Variants in PLXDC1 observed in about 807,000 individuals in gnomAD.
The protein encoded by PLXDC1 is plexin domain-containing protein 1.
A neutral mutation model predicts 61.3 loss-of-function variants in PLXDC1; 39 were observed. That is an observed-to-expected ratio of 0.64 (90% confidence interval 0.49 to 0.83). PLXDC1 has a LOEUF of 0.83. Ranked by LOEUF, PLXDC1 falls within the 40% of genes least tolerant of loss-of-function variation. PLXDC1 has a pLI of 0.00. For missense variants in PLXDC1, 596 were observed against 666.5 expected (o/e 0.89, Z 1.17); for synonymous variants, 212 against 254.5 (o/e 0.83, Z 1.59).
At chr17:39,108,824 A>G (rs1910689587) in intron 4 of PLXDC1, 80 bp downstream of exon 4, 2 of 904,158 alleles carry the variant, frequency 2.2e-6, no homozygotes, top group Non-Finnish European at 3.6e-6. Flanking sequence ...CCCTGTCTCC[A>G]GTGAGCCACC....
intron 2 of PLXDC1, among the ~76,000 whole-genome samples, chr17:39,134,066 G>A (rs1383883513): frequency 3.3e-5 from 5 of 151,876 alleles, no homozygotes; most frequent in African/African-American, 1.2e-4. Flanking sequence ...GACCATCCTG[G>A]CTAACACGGT....
At chr17:39,118,215 C>A (rs984364842) in intron 2 of PLXDC1, among the ~76,000 whole-genome samples, 5 of 148,338 alleles carry the variant, frequency 3.4e-5, no homozygotes, top group African/African-American at 1.2e-4. Flanking sequence ...TTCTTTTCTT[C>A]TTTTTTGAGA....
chr17:39,106,585 C>T (rs1379546848), intron 6 of PLXDC1, among the ~76,000 whole-genome samples: 4 of 151,708 alleles, frequency 2.6e-5, no homozygotes, highest in Admixed American at 6.6e-5. Flanking sequence ...TCTCCCAAAG[C>T]GCTGGGGTTA....
intron 9 of PLXDC1, chr17:39,080,974 C>T (rs1909535139): frequency 6.5e-6 from 1 of 152,868 alleles, no homozygotes; most frequent in South Asian, 2.1e-4. Context: ...TCTCATGGCT[C>T]AGCGCTTGTG....
intron 7 of PLXDC1, among the ~76,000 whole-genome samples, chr17:39,101,546 G>T (rs1003326410): frequency 2.0e-5 from 3 of 152,168 alleles, no homozygotes; most frequent in African/African-American, 7.2e-5. Flanking sequence ...GGCTAGGCCT[G>T]GGGTACAGCC....
intron 12 of PLXDC1, among the ~76,000 whole-genome samples, chr17:39,071,078 C>A (rs1256797996): frequency 6.6e-6 from 1 of 152,158 alleles, no homozygotes; most frequent in South Asian, 2.1e-4. Flanking sequence ...CCAACAGTCA[C>A]CCTCTGAGAA....
At chr17:39,107,690 G>A (rs758537451) in intron 5 of PLXDC1, 165 bp from the exon 6 acceptor site, 33 of 656,924 alleles carry the variant, frequency 5.0e-5, no homozygotes, top group Middle Eastern at 2.4e-4. Flanking sequence ...CTAAAGCAGC[G>A]CGGCTTCCAA....
At chr17:39,084,290 G>A (rs1909665973) in intron 8 of PLXDC1, among the ~76,000 whole-genome samples, 1 of 152,202 alleles carries the variant, frequency 6.6e-6, no homozygotes, top group Non-Finnish European at 1.5e-5. Context: ...AAATTGTACT[G>A]TATGTGGAGT....
At chr17:39,108,096 G>A in intron 5 of PLXDC1, 27 bp downstream of exon 5, 1 of 1,613,948 alleles carries the variant, frequency 6.2e-7, no homozygotes, top group South Asian at 1.1e-5. Flanking sequence ...GGAGCTGGGT[G>A]ACTTAAATTC....
At chr17:39,147,256 G>A (rs989803013) in intron 1 of PLXDC1, among the ~76,000 whole-genome samples, 2 of 152,108 alleles carry the variant, frequency 1.3e-5, no homozygotes, top group Non-Finnish European at 2.9e-5. Flanking sequence ...GCGCCCAGCC[G>A]AGGAACTGAT....
chr17:39,134,148 G>A (rs1911655850), intron 2 of PLXDC1, among the ~76,000 whole-genome samples: 1 of 152,066 alleles, frequency 6.6e-6, no homozygotes, highest in African/African-American at 2.4e-5. Context: ...CAGCTACTTG[G>A]GAGGCTGAGG....
chr17:39,137,891 G>A (rs35794358), intron 2 of PLXDC1, among the ~76,000 whole-genome samples: 9,659 of 152,078 alleles, frequency 0.064, 467 homozygotes, highest in African/African-American at 0.13. Context: ...GAAGTTTCTC[G>A]GGGGGATAAA....
chr17:39,105,937 G>A lies in PLXDC1; in HGVS notation c.728C>T (p.Pro243Leu), dbSNP rs755458098. ...AGGATGCTGGGAGGAGCTGATTTCC[G>A]GGACAGACATAGGGATCTGCGGCAG... is the stretch of plus-strand genomic sequence containing the variant. Reference protein sequence around the residue: ...FAYKEIPMSVPEISSSQHPVK... With the variant: ...FAYKEIPMSVLEISSSQHPVK... The change falls in exon 7 of 14, where the codon CCG (proline) becomes CTG (leucine). Residue 243 changes from proline to leucine, a missense_variant. By Grantham distance (98) the Pro-to-Leu change is moderately conservative. Coordinates refer to ENST00000315392, the MANE Select transcript of PLXDC1 (RefSeq NM_020405.5). The A allele has an allele frequency of 4.3e-6, 7 of 1,613,368 alleles. No individual in the cohort carries two copies. The highest frequency in any genetic ancestry group is 3.3e-5 in the Admixed American group (2 of 59,988).
At chr17:39,073,296 G>A (rs1274394102) in intron 11 of PLXDC1, 2 of 152,126 alleles carry the variant, frequency 1.3e-5, no homozygotes, top group African/African-American at 2.4e-5. Flanking sequence ...CAGAGCACTG[G>A]GATTACAGGC....
At chr17:39,080,700 A>G (rs1909523225) in intron 9 of PLXDC1, 2 of 152,192 alleles carry the variant, frequency 1.3e-5, no homozygotes, top group South Asian at 2.1e-4. Flanking sequence ...GCCCAGGCCC[A>G]TGGGGCGCCT....
At chr17:39,147,094 T>C (rs2045347261) in intron 1 of PLXDC1, among the ~76,000 whole-genome samples, 1 of 151,332 alleles carries the variant, frequency 6.6e-6, no homozygotes, top group Non-Finnish European at 1.5e-5. Context: ...TAGCTGGGAT[T>C]ACAGGCATGT....
chr17:39,070,117 C>T, intron 12 of PLXDC1, 101 bp from the exon 13 acceptor site: 1 of 850,662 alleles, frequency 1.2e-6, no homozygotes, highest in Admixed American at 2.5e-5. Flanking sequence ...TGAAAGCCGA[C>T]AGAGCCTTTG....
chr17:39,116,493 T>G (rs1051974361), intron 2 of PLXDC1, among the ~76,000 whole-genome samples: 1 of 152,054 alleles, frequency 6.6e-6, no homozygotes, highest in African/African-American at 2.4e-5. Flanking sequence ...GACAGCATCC[T>G]CCCCCATCTC....
chr17:39,136,715 G>A (rs1396875985), intron 2 of PLXDC1, among the ~76,000 whole-genome samples: 1 of 151,954 alleles, frequency 6.6e-6, no homozygotes, highest in Non-Finnish European at 1.5e-5. Flanking sequence ...CACAAAAAAA[G>A]AACAGGATGC....
Sources: allele counts gnomAD v4.1 joint callset (sites outside exome capture counted in the v4.1 genomes callset), GRCh38; gene constraint gnomAD v4.1.1; transcripts MANE v1.5; gene names NCBI Gene and HGNC (gene_info 2026-07-23, HGNC 2026-07-21).